Variants in P4HA3 observed in about 807,000 individuals in gnomAD.
The protein encoded by P4HA3 is prolyl 4-hydroxylase subunit alpha-3.
In P4HA3, 60 loss-of-function variants were observed where a neutral mutation model predicts 66.7. The observed-to-expected ratio is 0.90, with a 90% CI of 0.73 to 1.12. The LOEUF is 1.12. Among genes scored for constraint, P4HA3 ranks in the 50% most tolerant of loss-of-function variants. The pLI, the probability that P4HA3 is intolerant of heterozygous loss-of-function variation, is 0.00. For missense variants in P4HA3, 683 were observed against 685.8 expected, an observed-to-expected ratio of 1.00 and a Z score of 0.05; for synonymous variants, 263 against 274.6, an observed-to-expected ratio of 0.96 and a Z score of 0.42.
chr11:74,301,912 C>T (rs1861418865), intron 3 of P4HA3, among the ~76,000 whole-genome samples: 1 of 152,180 alleles, frequency 6.6e-6, no homozygotes, highest in Non-Finnish European at 1.5e-5. Flanking sequence ...TCTTACCTTT[C>T]CATCACCATC....
Position 74,286,399 on chromosome 11 carries a change from A to G in P4HA3, c.770-8T>C. The G allele has an allele frequency of 6.5e-7, 1 of 1,528,396 alleles. No homozygotes were observed. The highest frequency in any genetic ancestry group is 8.8e-7 in the Non-Finnish European group (1 of 1,139,292). 94.7% of individuals were successfully genotyped at this position (1,528,396 alleles called of 1,614,324 possible). A position where few individuals can be genotyped will look rare whatever the true frequency, so the allele number is the denominator to read the frequency against. On this transcript the variant is annotated splice_polypyrimidine_tract_variant and splice_region_variant and intron_variant, in intron 5 of 12. Coordinates refer to ENST00000331597, the MANE Select transcript of P4HA3 (RefSeq NM_182904.5). ...TCCTCTTATTATCTGGGCCTGGAAG[A>G]AATCAGAGCAGGGAATATAAAATAG... is the stretch of plus-strand genomic sequence containing the variant.
intron 3 of P4HA3, among the ~76,000 whole-genome samples, chr11:74,300,112 T>C (rs12416880): frequency 0.04 from 6,056 of 152,154 alleles, 128 homozygotes; most frequent in Middle Eastern, 0.11. Flanking sequence ...TAAATAAATA[T>C]AAAAATGATC....
chr11:74,293,297 T>G (rs1861098616), intron 4 of P4HA3, among the ~76,000 whole-genome samples: 1 of 152,160 alleles, frequency 6.6e-6, no homozygotes, highest in Admixed American at 6.5e-5. Flanking sequence ...TCCATTTGCT[T>G]GGTAGATCTT....
intron 3 of P4HA3, among the ~76,000 whole-genome samples, chr11:74,300,719 T>C (rs1307875782): frequency 4.6e-5 from 7 of 151,902 alleles, no homozygotes; most frequent in Non-Finnish European, 8.8e-5. Context: ...TTTGGCCACA[T>C]GTTGATAATT....
At chr11:74,262,781 T>C (rs1859928578), downstream of P4HA3, among the ~76,000 whole-genome samples, 1 of 152,192 alleles carries the variant, frequency 6.6e-6, no homozygotes, top group South Asian at 2.1e-4. Context: ...TCAGGCTCCT[T>C]TGGCTTCTCC....
intron 1 of P4HA3, among the ~76,000 whole-genome samples, chr11:74,306,766 GGA>G (rs1307654040): frequency 6.6e-5 from 10 of 152,190 alleles, no homozygotes; most frequent in Admixed American, 2.6e-4. Context: ...AGGCTTCCAA[GGA>G]GCCAAATGTT....
At chr11:74,267,639 G>C (rs1860034191) in intron 12 of P4HA3, among the ~76,000 whole-genome samples, 1 of 152,186 alleles carries the variant, frequency 6.6e-6, no homozygotes, top group Non-Finnish European at 1.5e-5. Context: ...CCATTCCAGA[G>C]TACTGAGAGA....
Position 74,266,935 on chromosome 11 carries a change from C to T in P4HA3, c.*313G>A. ...GTGCCAAAAGACCCACTGATCGAAC[C>T]TGAGACTGTTGAGATGTCCTGTTCC... is the stretch of plus-strand genomic sequence containing the variant. On this transcript the variant is annotated 3_prime_UTR_variant, in exon 13 of 13. Transcript: ENST00000331597. The T allele has an allele frequency of 7.6e-7, 1 of 1,322,474 alleles. No individual in the cohort carries two copies. The highest frequency in any genetic ancestry group is 1.0e-6 in the Non-Finnish European group (1 of 992,780). 81.9% of individuals were successfully genotyped at this position (1,322,474 alleles called of 1,614,324 possible).
chr11:74,287,000 G>T, intron 5 of P4HA3: 2 of 727,852 alleles, frequency 2.7e-6, no homozygotes, highest in African/African-American at 1.9e-5. Flanking sequence ...CTCCTAACTG[G>T]CCTAGACCCA....
chr11:74,252,213 G>A (rs1033322308), intron 15 of P4HA3, among the ~76,000 whole-genome samples: 1 of 146,620 alleles, frequency 6.8e-6, no homozygotes, highest in Non-Finnish European at 1.5e-5. Context: ...GATCACAGGC[G>A]TACGCCACCG....
At position 74,302,362 on chromosome 11, in the gene P4HA3, T is replaced by C. The variant is rs530941219; in HGVS notation, c.567+7A>G. ...CAAGCAATTGGCCCTCTCTTGAATA[T>C]TGTTACCTTGCCAACTTGGAAGCAG... On this transcript the variant is annotated splice_region_variant and intron_variant, in intron 3 of 12. Transcript: ENST00000331597. 15 of 1,610,230 alleles carry C rather than the reference T, an allele frequency of 9.3e-6. No homozygotes were observed. The African/African-American group carries it at 1.5e-4, about 16-fold the overall frequency.
At chr11:74,301,276 T>C (rs1861398767) in intron 3 of P4HA3, among the ~76,000 whole-genome samples, 1 of 152,106 alleles carries the variant, frequency 6.6e-6, no homozygotes, top group Non-Finnish European at 1.5e-5. Context: ...TCAAAATAAG[T>C]GAATAAATAT....
chr11:74,251,679 G>A, intron 15 of P4HA3: 1 of 1,613,862 alleles, frequency 6.2e-7, no homozygotes, highest in Non-Finnish European at 8.5e-7. Context: ...TTCCTGATCC[G>A]GCACAGGTTT....
At chr11:74,267,508 C>A (rs1251981633) in intron 12 of P4HA3, among the ~76,000 whole-genome samples, 190 bp from the exon 13 acceptor site, 1 of 152,206 alleles carries the variant, frequency 6.6e-6, no homozygotes, top group African/African-American at 2.4e-5. Flanking sequence ...AGATAAATAG[C>A]AAAGAGGACA....
intron 4 of P4HA3, among the ~76,000 whole-genome samples, chr11:74,295,888 C>T (rs1320104816): frequency 6.6e-6 from 1 of 152,168 alleles, no homozygotes; most frequent in Admixed American, 6.5e-5. Flanking sequence ...AACTCAAGGT[C>T]ATAGCTTTTC....
intron 7 of P4HA3, among the ~76,000 whole-genome samples, chr11:74,283,078 CTGTCTTCAGTTCCCA>C (rs1400824661): frequency 2.6e-5 from 4 of 152,156 alleles, no homozygotes; most frequent in Non-Finnish European, 5.9e-5. Context: ...ACTGAGGCAT[CTGTCTTCAGTTCCCA>C]TGGGGAAGCC....
intron 10 of P4HA3, among the ~76,000 whole-genome samples, chr11:74,270,054 C>T (rs911974218): frequency 2.0e-5 from 3 of 152,118 alleles, no homozygotes; most frequent in Non-Finnish European, 4.4e-5. Context: ...ACCCAAGACA[C>T]ACACACATAC....
chr11:74,288,528 G>T (rs1227032260), intron 5 of P4HA3, among the ~76,000 whole-genome samples: 2 of 152,198 alleles, frequency 1.3e-5, no homozygotes, highest in Non-Finnish European at 2.9e-5. Context: ...TTGGTTGGAA[G>T]AAGGAAGGGA....
chr11:74,256,063 T>C, intron 15 of P4HA3: 1 of 444,298 alleles, frequency 2.3e-6, no homozygotes, highest in Non-Finnish European at 4.6e-6. Context: ...ACACATCTCA[T>C]TTAATCTTCA....
Sources: allele counts gnomAD v4.1 joint callset (sites outside exome capture counted in the v4.1 genomes callset), GRCh38; gene constraint gnomAD v4.1.1; transcripts MANE v1.5; gene names NCBI Gene and HGNC (gene_info 2026-07-23, HGNC 2026-07-21).